DLGAP2: variants seen among roughly 807,000 people sequenced by gnomAD.
DLGAP2 encodes the protein DLG associated protein 2, also known as disks large-associated protein 2.
Under a neutral mutation model 100.3 loss-of-function variants are expected in DLGAP2, and 26 were observed. The ratio of observed to expected loss-of-function variants is 0.26; its 90% CI spans 0.19 to 0.36. The LOEUF is 0.36. DLGAP2 is among the 10% of genes least tolerant of loss of function. The probability of loss-of-function intolerance (pLI) is 1.00; values close to 1 mark genes in which losing one functional copy is unlikely to be tolerated. For synonymous variants in DLGAP2, 886 were observed against 630.1 expected, an observed-to-expected ratio of 1.41 and a Z score of -6.08; for missense variants, 1,858 against 1,453.2, an observed-to-expected ratio of 1.28 and a Z score of -4.53.
chr8:748,732 C>T (rs966862393), intron 1 of DLGAP2, among the ~76,000 whole-genome samples: 2 of 152,196 alleles, frequency 1.3e-5, no homozygotes, highest in Non-Finnish European at 2.9e-5. Context: ...AGCACCTGCC[C>T]GCTCCTTAGA....
intron 2 of DLGAP2, among the ~76,000 whole-genome samples, chr8:1,135,812 A>G (rs901076324): frequency 6.6e-6 from 1 of 152,146 alleles, no homozygotes; most frequent in Non-Finnish European, 1.5e-5. Context: ...CACGAAGGAG[A>G]TGTTCATGAT....
chr8:1,466,777 T>A (rs545953571), intron 3 of DLGAP2, among the ~76,000 whole-genome samples: 1 of 152,092 alleles, frequency 6.6e-6, no homozygotes, highest in African/African-American at 2.4e-5. Context: ...TGTGATGTGG[T>A]TGGTGAGACG....
chr8:849,772 T>C (rs1797145900), intron 1 of DLGAP2, among the ~76,000 whole-genome samples: 1 of 152,178 alleles, frequency 6.6e-6, no homozygotes, highest in South Asian at 2.1e-4. Flanking sequence ...TTCAAATCTT[T>C]TTCTCACTTA....
chr8:1,529,061 A>C (rs1411529707), intron 4 of DLGAP2, among the ~76,000 whole-genome samples: 1 of 135,472 alleles, frequency 7.4e-6, no homozygotes, highest in African/African-American at 2.6e-5. Context: ...TGCTTTATAT[A>C]AAGAGCTGCC....
chr8:1,591,964 G>C (rs1796305871), intron 6 of DLGAP2, among the ~76,000 whole-genome samples: 1 of 152,222 alleles, frequency 6.6e-6, no homozygotes, highest in Admixed American at 6.5e-5. Flanking sequence ...ATGCAGACAG[G>C]CCTTGGAAAT....
At chr8:1,428,212 GA>G (rs952262945) in intron 3 of DLGAP2, among the ~76,000 whole-genome samples, 18 of 151,096 alleles carry the variant, frequency 1.2e-4, no homozygotes, top group Admixed American at 5.9e-4. Context: ...CACCAAATCA[GA>G]AAAAAAATTT....
chr8:1,486,299 T>G (rs1166689854), intron 3 of DLGAP2, among the ~76,000 whole-genome samples: 1 of 152,194 alleles, frequency 6.6e-6, no homozygotes, highest in Admixed American at 6.5e-5. Flanking sequence ...GTCTGCGTGT[T>G]CAAAGAGCAT....
chr8:1,176,758 A>T (rs148680873), intron 2 of DLGAP2, among the ~76,000 whole-genome samples: 1 of 151,804 alleles, frequency 6.6e-6, no homozygotes, highest in Admixed American at 6.6e-5. Context: ...TCCAGAAGAG[A>T]TGGTCACTGG....
intron 2 of DLGAP2, among the ~76,000 whole-genome samples, chr8:950,948 A>T (rs1563110568): frequency 1.3e-5 from 2 of 152,024 alleles, no homozygotes; most frequent in Non-Finnish European, 2.9e-5. Context: ...ATATTAAAAG[A>T]TCGAGTGAAG....
intron 1 of DLGAP2, among the ~76,000 whole-genome samples, chr8:841,002 A>G (rs1349263250): frequency 1.3e-5 from 2 of 152,316 alleles, no homozygotes; most frequent in Admixed American, 1.3e-4. Context: ...GTATTGACTG[A>G]TGAGAGCCTA....
At chr8:1,073,335 C>A (rs989740042) in intron 2 of DLGAP2, among the ~76,000 whole-genome samples, 1 of 151,984 alleles carries the variant, frequency 6.6e-6, no homozygotes, top group African/African-American at 2.4e-5. Flanking sequence ...TACTAAATTA[C>A]AGGGAGCTAT....
chr8:1,539,566 C>G (rs896420147), intron 4 of DLGAP2, among the ~76,000 whole-genome samples: 3 of 152,102 alleles, frequency 2.0e-5, no homozygotes, highest in African/African-American at 4.8e-5. Context: ...GTCCCGCACC[C>G]TCACCGGGAG....
chr8:999,498 C>T (rs1364192820), intron 2 of DLGAP2, among the ~76,000 whole-genome samples: 5 of 147,350 alleles, frequency 3.4e-5, no homozygotes, highest in South Asian at 2.2e-4. Flanking sequence ...TTTTTTTTCC[C>T]GATGGAGTGT....
At chr8:1,595,133 C>T (rs1408850345) in intron 6 of DLGAP2, among the ~76,000 whole-genome samples, 9 of 152,126 alleles carry the variant, frequency 5.9e-5, no homozygotes, top group East Asian at 3.9e-4. Context: ...CTCAACCTCC[C>T]GGGTGCAAGC....
chr8:998,061 A>G (rs1463970668), intron 2 of DLGAP2, among the ~76,000 whole-genome samples: 1 of 152,074 alleles, frequency 6.6e-6, no homozygotes, highest in Non-Finnish European at 1.5e-5. Context: ...ACACAGAAAC[A>G]TATACACATG....
intron 1 of DLGAP2, among the ~76,000 whole-genome samples, chr8:816,080 A>G (rs1796471350): frequency 6.6e-6 from 1 of 151,974 alleles, no homozygotes; most frequent in East Asian, 1.9e-4. Context: ...CCACCCCTTT[A>G]TTTTAAGTTT....
intron 2 of DLGAP2, among the ~76,000 whole-genome samples, chr8:1,048,929 C>G (rs1802593579): frequency 6.6e-6 from 1 of 152,148 alleles, no homozygotes; most frequent in South Asian, 2.1e-4. Flanking sequence ...TGAACAGACT[C>G]ACGGGTAGAA....
intron 2 of DLGAP2, among the ~76,000 whole-genome samples, chr8:1,229,615 A>C (rs1027354095): frequency 6.6e-6 from 1 of 152,146 alleles, no homozygotes; most frequent in African/African-American, 2.4e-5. Flanking sequence ...CACAGATGCA[A>C]ACATTCTTAA....
At chr8:1,023,040 C>G (rs957349169) in intron 2 of DLGAP2, among the ~76,000 whole-genome samples, 1 of 152,228 alleles carries the variant, frequency 6.6e-6, no homozygotes. Flanking sequence ...GCATTGCGAT[C>G]TGCAGACATC....
Sources: allele counts gnomAD v4.1 joint callset (sites outside exome capture counted in the v4.1 genomes callset), GRCh38; gene constraint gnomAD v4.1.1; transcripts MANE v1.5; gene names NCBI Gene and HGNC (gene_info 2026-07-23, HGNC 2026-07-21).